Variants in HUWE1 observed in about 807,000 individuals in gnomAD.
The protein encoded by HUWE1 is HECT, UBA and WWE domain containing E3 ubiquitin protein ligase 1.
Under a neutral mutation model 299.4 loss-of-function variants are expected in HUWE1, and 18 were observed. That is an observed-to-expected ratio of 0.06 (90% confidence interval 0.04 to 0.09). The LOEUF is 0.09. Ranked by LOEUF, HUWE1 falls within the 10% of genes least tolerant of loss-of-function variation. HUWE1 has a pLI of 1.00. For missense variants in HUWE1, 1,832 were observed against 3,462.3 expected, an observed-to-expected ratio of 0.53 and a Z score of 11.82; for synonymous variants, 1,317 against 1,286.1, an observed-to-expected ratio of 1.02 and a Z score of -0.51.
intron 28 of HUWE1, among the ~76,000 whole-genome samples, chrX:53,601,573 A>G (rs187417161): frequency 1.8e-4 from 20 of 111,228 alleles, no homozygotes; most frequent in Non-Finnish European, 3.2e-4. Context: ...CACCAGAGAA[A>G]AAACATTCTG....
rs1159839076 is a variant in HUWE1 at position 53,588,609 on chromosome X, T to C, written c.4462-75A>G. On this transcript the variant is annotated intron_variant, in intron 36 of 83. Transcript: ENST00000262854. The stretch of plus-strand genomic sequence containing the variant: ...GGTTTCTGAAAATATTCTCAACCTT[T>C]TAAAATACTCCCTCTGCCTCCAACA... 1.1e-5 allele frequency: 11 copies of C among 974,329 alleles called. No homozygotes were observed. In the Admixed American group the frequency reaches 1.6e-4, roughly 14 times the overall value. 80.3% of individuals were successfully genotyped at this position (974,329 alleles called of 1,213,427 possible).
chrX:53,536,129 T>C lies in HUWE1; in HGVS notation c.12531+18A>G, dbSNP rs782362460. On this transcript the variant is annotated intron_variant, in intron 80 of 83. Coordinates refer to ENST00000262854, the MANE Select transcript of HUWE1 (RefSeq NM_031407.7). The stretch of plus-strand genomic sequence containing the variant: ...CAGATTGGCTGGGATGTGCTGTGAT[T>C]AGGATTTCCTGACCTACCTCAGTGC... The C allele has an allele frequency of 5.6e-6, 6 of 1,065,857 alleles. No homozygotes were observed. Among genetic ancestry groups the C allele is most frequent in the African/African-American group, 1.9e-5 (1 of 53,944 alleles). 87.8% of individuals were successfully genotyped at this position (1,065,857 alleles called of 1,213,427 possible). A position where few individuals can be genotyped will look rare whatever the true frequency, so the allele number is the denominator to read the frequency against.
intron 7 of HUWE1, among the ~76,000 whole-genome samples, chrX:53,638,205 T>G (rs782281149): frequency 9.0e-6 from 1 of 111,440 alleles, no homozygotes; most frequent in Non-Finnish European, 1.9e-5. Context: ...CCGGGCATGG[T>G]GACGGGCGCC....
intron 3 of HUWE1, among the ~76,000 whole-genome samples, chrX:53,665,754 G>C (rs1557047284): frequency 8.9e-6 from 1 of 112,632 alleles, no homozygotes; most frequent in Non-Finnish European, 1.9e-5. Context: ...CAATGCCTAA[G>C]TGTAAGTTAA....
At chrX:53,540,163 G>A (rs1301918256) in intron 74 of HUWE1, among the ~76,000 whole-genome samples, 2 of 111,853 alleles carry the variant, frequency 1.8e-5, no homozygotes, top group African/African-American at 3.3e-5. Context: ...AACAACAGTG[G>A]AGCTTTGGAT....
chrX:53,574,511 C>T (rs1473377581), intron 46 of HUWE1, among the ~76,000 whole-genome samples: 2 of 112,472 alleles, frequency 1.8e-5, no homozygotes, highest in African/African-American at 6.5e-5. Context: ...ATATAGTCTG[C>T]CACATAGTGG....
intron 4 of HUWE1, among the ~76,000 whole-genome samples, chrX:53,648,791 T>A (rs782068893): frequency 1.8e-5 from 2 of 112,069 alleles, no homozygotes; most frequent in African/African-American, 3.3e-5. Context: ...ACTAGCTATA[T>A]TTTTCTGTTA....
intron 7 of HUWE1, among the ~76,000 whole-genome samples, chrX:53,642,237 T>G (rs1369199012): frequency 8.9e-6 from 1 of 112,198 alleles, no homozygotes; most frequent in Non-Finnish European, 1.9e-5. Context: ...CTATCAAAGG[T>G]ATAACTTTTG....
At chrX:53,557,477 T>C in intron 59 of HUWE1, 50 bp from the exon 60 acceptor site, 1 of 1,015,016 alleles carries the variant, frequency 9.9e-7, no homozygotes, top group Non-Finnish European at 1.4e-6. Context: ...GCACCTAAGA[T>C]AGAGGTCAAC....
intron 81 of HUWE1, 45 bp from the exon 82 acceptor site, chrX:53,534,742 A>G: frequency 8.9e-7 from 1 of 1,123,604 alleles, no homozygotes. Flanking sequence ...AACTCACACA[A>G]CCGTAGAGGT....
rs2060810438 is a variant in HUWE1, at chrX:53,532,253, A to T, written c.*1056T>A. ...AACAGACTGGCAGACAGATGACGAG[A>T]GAGGGAGTGACGACAACAAAAATAG... On this transcript the variant is annotated 3_prime_UTR_variant, in exon 84 of 84. Coordinates refer to ENST00000262854, the MANE Select transcript of HUWE1 (RefSeq NM_031407.7). The T allele has an allele frequency of 8.9e-6, 1 of 112,059 alleles. No homozygotes were observed. Among genetic ancestry groups the T allele is most frequent in the Admixed American group, 9.5e-5 (1 of 10,534 alleles). 9.2% of individuals were successfully genotyped at this position (112,059 alleles called of 1,213,427 possible).
At chrX:53,678,494 T>C (rs2069947591) in intron 3 of HUWE1, among the ~76,000 whole-genome samples, 1 of 111,727 alleles carries the variant, frequency 9.0e-6, no homozygotes, top group Non-Finnish European at 1.9e-5. Flanking sequence ...AGTGAGATCA[T>C]CATAAAGCAG....
chrX:53,543,071 A>AT (rs1231623953), intron 73 of HUWE1, among the ~76,000 whole-genome samples: 1 of 110,410 alleles, frequency 9.1e-6, no homozygotes, highest in East Asian at 2.8e-4. Context: ...TAACAGCTTT[A>AT]TTTTCCCTTT....
intron 59 of HUWE1, among the ~76,000 whole-genome samples, chrX:53,558,434 G>A (rs1479619687): frequency 1.8e-5 from 2 of 111,917 alleles, no homozygotes; most frequent in African/African-American, 6.5e-5. Context: ...TTCTGCTTCT[G>A]GCTCCAGTTT....
intron 29 of HUWE1, among the ~76,000 whole-genome samples, chrX:53,596,786 T>G (rs1470997908): frequency 8.9e-6 from 1 of 112,547 alleles, no homozygotes; most frequent in Non-Finnish European, 1.9e-5. Context: ...ACGTTGGAAG[T>G]GCTCCCAAGA....
In HUWE1 at chrX:53,557,430, G is replaced by A. The variant is rs1287271998; in HGVS notation, c.8161-3C>T. The A allele has an allele frequency of 2.5e-6, 3 of 1,201,591 alleles. No homozygotes were observed. The highest frequency in any genetic ancestry group is 3.4e-6 in the Non-Finnish European group (3 of 887,574). ...TCATTTGACTTAGATGCAGTACACT[G>A]CAAAAAGAAGGGATAGACCAATGTG... On this transcript the variant is annotated splice_region_variant and splice_polypyrimidine_tract_variant and intron_variant, in intron 59 of 83. Coordinates refer to ENST00000262854, the MANE Select transcript of HUWE1 (RefSeq NM_031407.7).
intron 60 of HUWE1, among the ~76,000 whole-genome samples, chrX:53,555,579 G>A (rs1333122023): frequency 9.1e-6 from 1 of 109,736 alleles, no homozygotes; most frequent in Non-Finnish European, 1.9e-5. Context: ...CACCCACCTC[G>A]GCCTCCCAAA....
chrX:53,578,691 C>G (rs1556962633), intron 43 of HUWE1, among the ~76,000 whole-genome samples: 1 of 82,534 alleles, frequency 1.2e-5, no homozygotes. Flanking sequence ...GGGATCAGCC[C>G]CCCGCCTGGC....
intron 9 of HUWE1, 182 bp from the exon 10 acceptor site, chrX:53,631,796 A>ATTATATG: frequency 2.3e-6 from 1 of 442,762 alleles, no homozygotes; most frequent in Non-Finnish European, 3.9e-6. Flanking sequence ...TATATGTAGA[A>ATTATATG]TATTCTTAGG....
Sources: gnomAD v4.1 joint callset for allele counts (sites outside exome capture counted in the v4.1 genomes callset) on GRCh38, gnomAD v4.1.1 for gene constraint, MANE v1.5 for transcripts, NCBI Gene and HGNC (gene_info 2026-07-23, HGNC 2026-07-21) for gene names.